Variants in LHFPL4 observed in about 807,000 individuals in gnomAD.
LHFPL4 encodes the protein LHFPL tetraspan subfamily member 4, also known as LHFPL tetraspan subfamily member 4 protein.
Under a neutral mutation model 20.0 loss-of-function variants are expected in LHFPL4, and 6 were observed. That is an observed-to-expected ratio of 0.30 (90% CI 0.16 to 0.59). The LOEUF is 0.59. LHFPL4 is among the 20% of genes least tolerant of loss of function. LHFPL4 has a pLI of 0.88. For synonymous variants in LHFPL4, 129 were observed against 143.8 expected (o/e 0.90, Z 0.74); for missense variants, 215 against 331.2 (o/e 0.65, Z 2.72).
At chr3:9,522,172 T>A (rs562441693) in intron 2 of LHFPL4, among the ~76,000 whole-genome samples, 3 of 150,922 alleles carry the variant, frequency 2.0e-5, no homozygotes, top group South Asian at 4.2e-4. Flanking sequence ...TGTTATTATT[T>A]TTTAGTAGAG....
intron 2 of LHFPL4, among the ~76,000 whole-genome samples, chr3:9,542,657 A>C (rs988959527): frequency 6.6e-6 from 1 of 151,980 alleles, no homozygotes; most frequent in Admixed American, 6.6e-5. Context: ...AGTTTTAAAA[A>C]AATTAGCCGG....
At chr3:9,528,354 A>G (rs1339404353) in intron 2 of LHFPL4, among the ~76,000 whole-genome samples, 3 of 152,212 alleles carry the variant, frequency 2.0e-5, no homozygotes, top group Non-Finnish European at 4.4e-5. Context: ...TTCCATCTCA[A>G]GAAACCACTG....
chr3:9,552,697 CCGGCGG>C lies in LHFPL4; in HGVS notation c.-24_-19del, dbSNP rs760539219. 1.5e-6 allele frequency: 2 copies of C among 1,349,100 alleles called. No individual in the cohort carries two copies. The highest frequency in any genetic ancestry group is 2.4e-5 in the South Asian group (1 of 41,990). 83.6% of individuals were successfully genotyped at this position (1,349,100 alleles called of 1,614,324 possible). On this transcript the variant is annotated 5_prime_UTR_variant, in exon 2 of 4. Transcript: ENST00000287585. ...GGCAGCATGGTGCCCGGAGGCGGGGCCGGCGGCGGCGGCGGCTGGCGGGGGCCGCCG... is the reference window on the plus strand; with the variant it reads ...GGCAGCATGGTGCCCGGAGGCGGGGCCGGCGGCGGCTGGCGGGGGCCGCCG...
chr3:9,517,235 TG>T (rs1416105520), intron 2 of LHFPL4, among the ~76,000 whole-genome samples: 3 of 152,174 alleles, frequency 2.0e-5, no homozygotes, highest in African/African-American at 7.2e-5. Context: ...TTTGCTAATA[TG>T]GACAGAATAA....
chr3:9,516,185 T>C (rs1228469414), intron 2 of LHFPL4, among the ~76,000 whole-genome samples: 2 of 152,174 alleles, frequency 1.3e-5, no homozygotes, highest in African/African-American at 4.8e-5. Context: ...GTAATCTAGC[T>C]TTTTTTAGCC....
intron 2 of LHFPL4, among the ~76,000 whole-genome samples, chr3:9,536,503 C>T (rs547538223): frequency 2.0e-5 from 3 of 152,274 alleles, no homozygotes; most frequent in Non-Finnish European, 4.4e-5. Context: ...ATGTCCAGCA[C>T]CAGACCCCTT....
chr3:9,520,344 G>T lies in LHFPL4; in HGVS notation c.407-14141C>A, dbSNP rs545856966. On this transcript the variant is annotated intron_variant, in intron 2 of 3. Transcript: ENST00000287585. ...TTTAAAGTTTATCTTGAGGTTTTTT[G>T]TTGTTGTTGTTGTTGTTTGTTTGTT... is the stretch of plus-strand genomic sequence containing the variant. Among the ~76,000 whole-genome samples, 110 of 151,860 alleles carry T rather than the reference G, an allele frequency of 7.2e-4. 2 individuals are homozygous for T. Among genetic ancestry groups the T allele is most frequent in the East Asian group, 2.1e-3 (11 of 5,172 alleles).
chr3:9,553,739 C>G lies in LHFPL4; in HGVS notation c.-223G>C, dbSNP rs566710957. On this transcript the variant is annotated 5_prime_UTR_variant, in exon 1 of 4. Transcript: ENST00000287585. ...GACTGGCACGGCCTAGGCGCCGCGG[C>G]TCGGCGCTCCCAGCAGCGGCTGCCT... 2.0e-5 allele frequency: 3 copies of G among 150,906 alleles called. No homozygotes were observed. The highest frequency in any genetic ancestry group is 4.1e-4 in the South Asian group (2 of 4,840). The allele number at this position is 150,906 out of a possible 1,614,324, so 9.3% of individuals were successfully genotyped here. A position where few individuals can be genotyped will look rare whatever the true frequency, so the allele number is the denominator to read the frequency against.
chr3:9,502,558 C>A (rs1490009837), intron 3 of LHFPL4, among the ~76,000 whole-genome samples: 1 of 152,080 alleles, frequency 6.6e-6, no homozygotes, highest in African/African-American at 2.4e-5. Context: ...AAAAAATTAG[C>A]CGGGCATGGT....
intron 2 of LHFPL4, among the ~76,000 whole-genome samples, chr3:9,531,021 G>A (rs767201976): frequency 3.9e-5 from 6 of 152,186 alleles, no homozygotes; most frequent in Non-Finnish European, 5.9e-5. Flanking sequence ...TCAGGGAATA[G>A]GAAAGCCAAA....
rs561554916 is a variant in LHFPL4 at position 9,504,601 on chromosome 3, G to A, written c.643+1366C>T. 3.7e-4 allele frequency among the ~76,000 whole-genome samples: 57 copies of A among 152,072 alleles called. 1 individual carries two copies. Among genetic ancestry groups the A allele is most frequent in the African/African-American group, 8.9e-4 (37 of 41,492 alleles). On this transcript the variant is annotated intron_variant, in intron 3 of 3. Coordinates refer to ENST00000287585, the MANE Select transcript of LHFPL4 (RefSeq NM_198560.3). ...AGCACTTTGGGAGGCCAAGGCAGGCGGATCACGAGGTCAGAAGATCGAGAC... is the reference window on the plus strand; with the variant it reads ...AGCACTTTGGGAGGCCAAGGCAGGCAGATCACGAGGTCAGAAGATCGAGAC...
intron 2 of LHFPL4, among the ~76,000 whole-genome samples, chr3:9,543,317 T>C (rs996603782): frequency 1.3e-5 from 2 of 151,764 alleles, no homozygotes; most frequent in Admixed American, 6.6e-5. Flanking sequence ...CTGGCTAACA[T>C]GGTGAAACCC....
chr3:9,553,811 T>TC lies in LHFPL4; in HGVS notation c.-296dup, dbSNP rs1325609087. ...CGCGGCCTCCATCTTGCTCGGGTTC[T>TC]CCCCGGGGCGCGCTCCCGCGCCGAG... On this transcript the variant is annotated 5_prime_UTR_variant, in exon 1 of 4. Transcript: ENST00000287585. The TC allele has an allele frequency of 2.7e-5, 4 of 150,454 alleles. No individual in the cohort carries two copies. The East Asian group carries it at 5.8e-4, about 22-fold the overall frequency. The allele number at this position is 150,454 out of a possible 1,614,324, so 9.3% of individuals were successfully genotyped here.
In LHFPL4 at chr3:9,553,514, G is replaced by A. The variant is rs112186832; in HGVS notation, c.-169+171C>T. 1.1e-3 allele frequency among the ~76,000 whole-genome samples: 162 copies of A among 151,220 alleles called. 1 individual carries two copies. Among genetic ancestry groups the A allele is most frequent in the African/African-American group, 3.7e-3 (153 of 41,266 alleles). On this transcript the variant is annotated intron_variant, in intron 1 of 3. Coordinates refer to ENST00000287585, the MANE Select transcript of LHFPL4 (RefSeq NM_198560.3). ...CAGGCCAAAGGAACGAAAGACCGGG[G>A]CCGGTGAGCAGCGGGGCCCGCGAGG...
intron 2 of LHFPL4, among the ~76,000 whole-genome samples, chr3:9,511,071 G>T (rs2046256233): frequency 6.6e-6 from 1 of 151,956 alleles, no homozygotes; most frequent in Non-Finnish European, 1.5e-5. Context: ...AAAAAATTCA[G>T]CCTGGCATGG....
chr3:9,505,955 C>A lies in LHFPL4; in HGVS notation c.643+12G>T, dbSNP rs2046215334. 8.7e-6 allele frequency: 14 copies of A among 1,613,238 alleles called. No homozygotes were observed. In the South Asian group the frequency reaches 1.3e-4, roughly 15 times the overall value. On this transcript the variant is annotated intron_variant, in intron 3 of 3. Transcript: ENST00000287585. Reference sequence around the variant, plus strand: ...GCTCCCGCCGCTGCCCCCCAGCCCACAGCACACTCGCCTTTGTTCTCCGGC... The same window carrying A: ...GCTCCCGCCGCTGCCCCCCAGCCCAAAGCACACTCGCCTTTGTTCTCCGGC...
intron 2 of LHFPL4, among the ~76,000 whole-genome samples, chr3:9,534,389 T>C (rs1479561372): frequency 6.6e-6 from 1 of 152,134 alleles, no homozygotes; most frequent in Non-Finnish European, 1.5e-5. Context: ...TGTGCTGGTG[T>C]GGAATGATCT....
chr3:9,529,000 C>T (rs2046392428), intron 2 of LHFPL4, among the ~76,000 whole-genome samples: 1 of 151,092 alleles, frequency 6.6e-6, no homozygotes. Flanking sequence ...TCACTGCAAC[C>T]TCCACCTCCC....
chr3:9,547,745 A>T (rs1322674760), intron 2 of LHFPL4, among the ~76,000 whole-genome samples: 1 of 152,032 alleles, frequency 6.6e-6, no homozygotes, highest in African/African-American at 2.4e-5. Context: ...TGCTATCCCC[A>T]CAATTAATCC....
Sources: gnomAD v4.1 joint callset for allele counts (sites outside exome capture counted in the v4.1 genomes callset) on GRCh38, gnomAD v4.1.1 for gene constraint, MANE v1.5 for transcripts, NCBI Gene and HGNC (gene_info 2026-07-23, HGNC 2026-07-21) for gene names.